The following RXFP2 variants were observed in gnomAD, a reference collection of about 807,000 sequenced individuals.
RXFP2 encodes the protein relaxin receptor 2.
A neutral mutation model predicts 88.6 loss-of-function variants in RXFP2; 68 were observed. That is an observed-to-expected ratio of 0.77 (90% CI 0.63 to 0.94). The LOEUF (loss-of-function observed/expected upper bound fraction) is 0.94, where lower values mean the gene tolerates loss of function less well. RXFP2 is among the 40% of genes least tolerant of loss of function. The probability of loss-of-function intolerance (pLI) is 0.00; values close to 1 mark genes in which losing one functional copy is unlikely to be tolerated. For missense variants in RXFP2, 791 were observed against 893.9 expected (o/e 0.88, Z 1.47); for synonymous variants, 329 against 306.8 (o/e 1.07, Z -0.76).
intron 5 of RXFP2, among the ~76,000 whole-genome samples, chr13:31,773,422 C>CTT (rs74545763): frequency 6.3e-5 from 9 of 143,224 alleles, no homozygotes; most frequent in Non-Finnish European, 9.2e-5. Flanking sequence ...CCTGTCCTGG[C>CTT]TTTTTTTTTT....
At chr13:31,760,829 C>T (rs1485963150) in intron 2 of RXFP2, among the ~76,000 whole-genome samples, 3 of 151,968 alleles carry the variant, frequency 2.0e-5, no homozygotes, top group African/African-American at 7.3e-5. Context: ...ACAATTAGGC[C>T]TCCTTTTTTA....
intron 2 of RXFP2, 120 bp downstream of exon 2, chr13:31,758,524 T>TTC: frequency 3.4e-6 from 4 of 1,162,980 alleles, no homozygotes; most frequent in Non-Finnish European, 5.0e-6. Flanking sequence ...TGTAGGGATT[T>TTC]CCTTTGAAAC....
intron 1 of RXFP2, among the ~76,000 whole-genome samples, chr13:31,742,202 C>CA (rs2138377465): frequency 6.6e-6 from 1 of 152,256 alleles, no homozygotes; most frequent in East Asian, 1.9e-4. Flanking sequence ...TGGCAACTAC[C>CA]AATTGCTACT....
chr13:31,785,614 A>G (rs1225082589), intron 11 of RXFP2, among the ~76,000 whole-genome samples: 1 of 151,648 alleles, frequency 6.6e-6, no homozygotes, highest in African/African-American at 2.4e-5. Context: ...AGTCATAGTT[A>G]TTTGTAACTC....
rs749113434 is a variant in RXFP2, at chr13:31,739,740, C to T, written c.94+34C>T. 5.8e-5 allele frequency: 75 copies of T among 1,288,116 alleles called. No homozygotes were observed. In the South Asian group the frequency reaches 7.6e-4, roughly 13 times the overall value. 79.8% of individuals were successfully genotyped at this position (1,288,116 alleles called of 1,614,324 possible). ...GCTACTTTCTCGTTTTAAATGAGTG[C>T]AATTCCCAAAAAATACATTTCTATG... On this transcript the variant is annotated intron_variant, in intron 1 of 17. Coordinates refer to ENST00000298386, the MANE Select transcript of RXFP2 (RefSeq NM_130806.5).
chr13:31,759,375 G>GAGAAAGAAAGAA (rs71099990), intron 2 of RXFP2, among the ~76,000 whole-genome samples: 3,981 of 22,968 alleles, frequency 0.17, 965 homozygotes, highest in Non-Finnish European at 0.19. Flanking sequence ...CATTTGGATT[G>GAGAAAGAAAGAA]AGAAAGAAAG....
At chr13:31,740,357 T>G (rs1164287156) in intron 1 of RXFP2, among the ~76,000 whole-genome samples, 1 of 152,140 alleles carries the variant, frequency 6.6e-6, no homozygotes, top group African/African-American at 2.4e-5. Context: ...CACTTGTTTT[T>G]AAATAAAAAG....
chr13:31,745,538 C>A (rs1202823071), intron 1 of RXFP2, among the ~76,000 whole-genome samples: 1 of 152,214 alleles, frequency 6.6e-6, no homozygotes, highest in Non-Finnish European at 1.5e-5. Flanking sequence ...CAGCCTCTGC[C>A]AGTTGGGCTG....
At chr13:31,766,093 T>C (rs1872539452) in intron 5 of RXFP2, 66 bp downstream of exon 5, 1 of 816,968 alleles carries the variant, frequency 1.2e-6, no homozygotes, top group South Asian at 1.5e-5. Context: ...ATGTTTTTGA[T>C]CTAAAAATAA....
chr13:31,748,995 C>CA (rs1227829544), intron 1 of RXFP2, among the ~76,000 whole-genome samples: 6 of 151,554 alleles, frequency 4.0e-5, no homozygotes, highest in East Asian at 1.9e-4. Context: ...GATTCCATCT[C>CA]AAAAAAAATA....
intron 1 of RXFP2, among the ~76,000 whole-genome samples, chr13:31,748,473 T>C (rs995436413): frequency 3.3e-5 from 5 of 152,242 alleles, no homozygotes; most frequent in Non-Finnish European, 7.3e-5. Context: ...TGCATTTCTC[T>C]GATTATGAAT....
intron 11 of RXFP2, among the ~76,000 whole-genome samples, chr13:31,784,385 T>C (rs1873428402): frequency 6.6e-6 from 1 of 152,118 alleles, no homozygotes; most frequent in African/African-American, 2.4e-5. Flanking sequence ...TTACAAATGT[T>C]AAGTAGTTTT....
At position 31,764,243 on chromosome 13, in the gene RXFP2, TCACACA is replaced by T. The variant is rs56132108; in HGVS notation, c.320-753_320-748del. On this transcript the variant is annotated intron_variant, in intron 3 of 17. Transcript: ENST00000298386. The stretch of plus-strand genomic sequence containing the variant: ...CTGCCCTCGTCTGTCTCTCTCTCTT[TCACACA>T]CACACACACACACACACACACACAC... Among the ~76,000 whole-genome samples the T allele has an allele frequency of 3.5e-3, 462 of 131,770 alleles. 2 individuals carry two copies. Among genetic ancestry groups the T allele is most frequent in the East Asian group, 8.5e-3 (38 of 4,448 alleles). The allele number at this position is 131,770 out of a possible 152,430, so 86.4% of individuals were successfully genotyped here.
intron 2 of RXFP2, among the ~76,000 whole-genome samples, chr13:31,759,186 C>G (rs925720358): frequency 4.6e-5 from 7 of 151,618 alleles, no homozygotes; most frequent in Non-Finnish European, 8.8e-5. Context: ...AGACAAGTGT[C>G]TTGACCTTGT....
At chr13:31,746,470 A>G (rs563067348) in intron 1 of RXFP2, among the ~76,000 whole-genome samples, 1 of 152,354 alleles carries the variant, frequency 6.6e-6, no homozygotes, top group South Asian at 2.1e-4. Context: ...AACAAATAGT[A>G]TAGTTCAAAA....
intron 5 of RXFP2, among the ~76,000 whole-genome samples, chr13:31,769,723 T>A (rs1872669744): frequency 6.6e-6 from 1 of 152,224 alleles, no homozygotes; most frequent in Middle Eastern, 3.2e-3. Flanking sequence ...CCATGCCACA[T>A]GTGTTGCTGC....
At chr13:31,764,069 CT>C (rs1872429609) in intron 3 of RXFP2, among the ~76,000 whole-genome samples, 1 of 152,022 alleles carries the variant, frequency 6.6e-6, no homozygotes, top group Non-Finnish European at 1.5e-5. Context: ...CTGAAAAGAA[CT>C]TATAATTACA....
chr13:31,800,186 C>A (rs1874265707), intron 17 of RXFP2, among the ~76,000 whole-genome samples: 1 of 152,156 alleles, frequency 6.6e-6, no homozygotes, highest in African/African-American at 2.4e-5. Context: ...CCAACCCTGT[C>A]CCCACCCTCC....
At chr13:31,742,332 C>T (rs1305304716) in intron 1 of RXFP2, among the ~76,000 whole-genome samples, 1 of 152,132 alleles carries the variant, frequency 6.6e-6, no homozygotes, top group Non-Finnish European at 1.5e-5. Flanking sequence ...TGGCATGGTC[C>T]TTTCTTACGG....
Sources: gnomAD v4.1 joint callset for allele counts (sites outside exome capture counted in the v4.1 genomes callset) on GRCh38, gnomAD v4.1.1 for gene constraint, MANE v1.5 for transcripts, NCBI Gene and HGNC (gene_info 2026-07-23, HGNC 2026-07-21) for gene names.